The following PAPOLA variants were observed in gnomAD, a reference collection of about 807,000 sequenced individuals.
PAPOLA encodes polynucleotide adenylyltransferase alpha.
A neutral mutation model predicts 100.6 loss-of-function variants in PAPOLA; 15 were observed. The ratio of observed to expected loss-of-function variants is 0.15; its 90% confidence interval spans 0.10 to 0.23. PAPOLA has a LOEUF of 0.23. PAPOLA is among the 10% of genes least tolerant of loss of function. The pLI, the probability that PAPOLA is intolerant of heterozygous loss-of-function variation, is 1.00. For missense variants in PAPOLA, 533 were observed against 884.2 expected, an observed-to-expected ratio of 0.60 and a Z score of 5.04; for synonymous variants, 293 against 300.0, an observed-to-expected ratio of 0.98 and a Z score of 0.24.
At chr14:96,529,307 C>G (rs1288779701) in intron 6 of PAPOLA, among the ~76,000 whole-genome samples, 1 of 151,874 alleles carries the variant, frequency 6.6e-6, no homozygotes, top group Non-Finnish European at 1.5e-5. Context: ...GAAATCTGTT[C>G]TTTTTCATTG....
intron 1 of PAPOLA, among the ~76,000 whole-genome samples, chr14:96,503,252 G>T (rs1896453278): frequency 6.6e-6 from 1 of 152,218 alleles, no homozygotes; most frequent in East Asian, 1.9e-4. Context: ...ACTTCACAGG[G>T]TGCCCTCCTC....
chr14:96,553,440 G>C (rs1400683708), intron 17 of PAPOLA: 1 of 151,986 alleles, frequency 6.6e-6, no homozygotes, highest in Non-Finnish European at 1.5e-5. Flanking sequence ...GAACCTGCAA[G>C]GTTGAGACTA....
chr14:96,514,450 G>A (rs1897310866), intron 1 of PAPOLA, among the ~76,000 whole-genome samples: 1 of 151,718 alleles, frequency 6.6e-6, no homozygotes, highest in Admixed American at 6.6e-5. Context: ...CAAAGTGCTG[G>A]GATTGCAGGC....
At chr14:96,547,658 AG>A (rs1222331383) in intron 15 of PAPOLA, 138 bp from the exon 16 acceptor site, 30 of 574,334 alleles carry the variant, frequency 5.2e-5, no homozygotes, top group Non-Finnish European at 8.3e-5. Context: ...ATGTCAGATT[AG>A]GAATAGGTCT....
chr14:96,503,177 A>G (rs1896445133), intron 1 of PAPOLA, among the ~76,000 whole-genome samples: 1 of 152,198 alleles, frequency 6.6e-6, no homozygotes, highest in African/African-American at 2.4e-5. Context: ...CCCAGCTTTG[A>G]GCGTTGAGTC....
chr14:96,542,584 C>T, intron 13 of PAPOLA, 190 bp from the exon 14 acceptor site: 1 of 571,962 alleles, frequency 1.7e-6, no homozygotes, highest in Non-Finnish European at 3.0e-6. Flanking sequence ...ACTTTTGTAA[C>T]CTTGCTGGTG....
At chr14:96,512,729 T>G (rs1403748342) in intron 1 of PAPOLA, among the ~76,000 whole-genome samples, 4 of 152,252 alleles carry the variant, frequency 2.6e-5, no homozygotes, top group African/African-American at 9.6e-5. Context: ...AAGCATGTAC[T>G]GTAATTAACA....
chr14:96,563,412 C>T (rs898028727), intron 21 of PAPOLA, among the ~76,000 whole-genome samples: 2 of 152,176 alleles, frequency 1.3e-5, no homozygotes, highest in African/African-American at 4.8e-5. Flanking sequence ...ATACAGAATA[C>T]AGTAGGCATC....
chr14:96,510,236 T>G (rs970917784), intron 1 of PAPOLA, among the ~76,000 whole-genome samples: 7 of 152,158 alleles, frequency 4.6e-5, no homozygotes, highest in African/African-American at 1.4e-4. Flanking sequence ...TTAGAAACAT[T>G]TAAATTACAT....
intron 10 of PAPOLA, chr14:96,535,430 G>A (rs997457616): frequency 1.0e-5 from 10 of 983,728 alleles, no homozygotes; most frequent in African/African-American, 3.5e-5. Context: ...TAGTTTCACC[G>A]CGTGTTAATA....
intron 3 of PAPOLA, among the ~76,000 whole-genome samples, chr14:96,523,550 A>G (rs563837168): frequency 5.3e-5 from 8 of 152,350 alleles, no homozygotes; most frequent in African/African-American, 1.9e-4. Flanking sequence ...CTACTTGTGC[A>G]CACGTCTTGC....
intron 4 of PAPOLA, chr14:96,527,156 T>G: frequency 2.4e-6 from 1 of 413,776 alleles, no homozygotes; most frequent in Non-Finnish European, 4.3e-6. Context: ...TAATTCCCTC[T>G]CCACCATGAA....
Position 96,552,716 on chromosome 14 carries a change from GT to G in PAPOLA, c.1664+96del, listed in dbSNP as rs1197570952. ...GCTATTAAAGTCATCTATTTAGAAT[GT>G]TATTTTCATTCCATCTACTAATTTT... On this transcript the variant is annotated intron_variant, in intron 17 of 21. Coordinates refer to ENST00000216277, the MANE Select transcript of PAPOLA (RefSeq NM_032632.5). 2.7e-5 allele frequency: 31 copies of G among 1,138,376 alleles called. No homozygotes were observed. The African/African-American group carries it at 4.6e-4, about 17-fold the overall frequency. The allele number at this position is 1,138,376 out of a possible 1,614,324, so 70.5% of individuals were successfully genotyped here. A position where few individuals can be genotyped will look rare whatever the true frequency, so the allele number is the denominator to read the frequency against.
At chr14:96,536,641 G>A (rs1899557476) in intron 11 of PAPOLA, among the ~76,000 whole-genome samples, 1 of 151,898 alleles carries the variant, frequency 6.6e-6, no homozygotes, top group Non-Finnish European at 1.5e-5. Flanking sequence ...GAAACAACAG[G>A]GAAACTTGGT....
In PAPOLA at chr14:96,525,384, T is replaced by C. The variant is rs748904709; in HGVS notation, c.324T>C (p.His108=). The change falls in exon 4 of 22, where the codon CAT becomes CAC. Residue 108 remains histidine, a synonymous_variant. Coordinates refer to ENST00000216277, the MANE Select transcript of PAPOLA (RefSeq NM_032632.5). ...FTFGSYRLGV[H]TKGADIDALC... ...TTGGATCTTACAGATTAGGAGTGCA[T>C]ACAAAAGGTAAGTATTATTTCATTT... The C allele has an allele frequency of 1.3e-5, 17 of 1,336,686 alleles. No individual in the cohort carries two copies. Among genetic ancestry groups the C allele is most frequent in the Non-Finnish European group, 1.7e-5 (16 of 948,720 alleles). 82.8% of individuals were successfully genotyped at this position (1,336,686 alleles called of 1,614,324 possible).
intron 14 of PAPOLA, among the ~76,000 whole-genome samples, chr14:96,543,395 GTTGAT>G (rs1482135061): frequency 1.3e-5 from 2 of 151,980 alleles, no homozygotes; most frequent in Admixed American, 6.6e-5. Flanking sequence ...TAGGTTAGTT[GTTGAT>G]TTGATTGTTT....
intron 15 of PAPOLA, among the ~76,000 whole-genome samples, chr14:96,544,597 A>T (rs1163857183): frequency 6.6e-6 from 1 of 152,064 alleles, no homozygotes; most frequent in Non-Finnish European, 1.5e-5. Flanking sequence ...ATTTTGTAGC[A>T]GTTTCAGTGT....
At position 96,546,946 on chromosome 14, in the gene PAPOLA, C is replaced by G. The variant is rs536460563; in HGVS notation, c.1400-851C>G. On this transcript the variant is annotated intron_variant, in intron 15 of 21. Coordinates refer to ENST00000216277, the MANE Select transcript of PAPOLA (RefSeq NM_032632.5). Reference sequence around the variant, plus strand: ...ATGCTATTTCACCAGGTACTCTCAGCTTACATCCTCATGTTCATTTAAATC... The same window carrying G: ...ATGCTATTTCACCAGGTACTCTCAGGTTACATCCTCATGTTCATTTAAATC... Among the ~76,000 whole-genome samples, 4 of 152,256 alleles carry G rather than the reference C, an allele frequency of 2.6e-5. No individual in the cohort carries two copies. In the East Asian group the frequency reaches 7.7e-4, roughly 29 times the overall value.
At chr14:96,542,962 AT>A in intron 14 of PAPOLA, 69 bp downstream of exon 14, 5 of 1,511,646 alleles carry the variant, frequency 3.3e-6, no homozygotes, top group East Asian at 2.3e-5. Context: ...TTTTACAGGC[AT>A]TTTTTATAAC....
Sources: gnomAD v4.1 joint callset for allele counts (sites outside exome capture counted in the v4.1 genomes callset) on GRCh38, gnomAD v4.1.1 for gene constraint, MANE v1.5 for transcripts, NCBI Gene and HGNC (gene_info 2026-07-23, HGNC 2026-07-21) for gene names.